The following USP49 variants were observed in gnomAD, a reference collection of about 807,000 sequenced individuals.
The protein encoded by USP49 is ubiquitin carboxyl-terminal hydrolase 49.
A neutral mutation model predicts 58.6 loss-of-function variants in USP49; 24 were observed. The observed-to-expected ratio is 0.41, with a 90% confidence interval of 0.30 to 0.58. The LOEUF (loss-of-function observed/expected upper bound fraction) is 0.58, where lower values mean the gene tolerates loss of function less well. Among genes scored for constraint, USP49 ranks in the 20% least tolerant of loss-of-function variants. USP49 has a pLI of 0.30. For synonymous variants in USP49, 408 were observed against 365.1 expected (o/e 1.12, Z -1.34); for missense variants, 703 against 866.1 (o/e 0.81, Z 2.36).
At chr6:41,855,214 C>T (rs1360993202) in intron 3 of USP49, among the ~76,000 whole-genome samples, 10 of 150,704 alleles carry the variant, frequency 6.6e-5, no homozygotes, top group Non-Finnish European at 1.3e-4. Context: ...ACTGTTTCTT[C>T]ATTAAAAGTA....
rs73733047 is a variant in USP49 at position 41,879,935 on chromosome 6, G to A, written c.-102-8298C>T. Among the ~76,000 whole-genome samples, 1,010 of 152,186 alleles carry A rather than the reference G, an allele frequency of 6.6e-3. 12 individuals are homozygous for A. The highest frequency in any genetic ancestry group is 0.023 in the African/African-American group (956 of 41,518). On this transcript the variant is annotated intron_variant, in intron 2 of 7. Transcript: ENST00000682992. Reference sequence around the variant, plus strand: ...GGCAAATCCAGCTTTCAGTTTTTTCGTGGCTCACTCCTGAATATGAGTAAA... The same window carrying A: ...GGCAAATCCAGCTTTCAGTTTTTTCATGGCTCACTCCTGAATATGAGTAAA...
rs901859983 is a variant in USP49, at chr6:41,803,327, G to A, written c.1561+479C>T. Reference sequence around the variant, plus strand: ...TGTTGTTGTTGTTGTTGTTTGAAACGGAGTCTTGCTCTGTTGCCCAGGCTG... The same window carrying A: ...TGTTGTTGTTGTTGTTGTTTGAAACAGAGTCTTGCTCTGTTGCCCAGGCTG... On this transcript the variant is annotated intron_variant, in intron 5 of 7. Coordinates refer to ENST00000682992, the MANE Select transcript of USP49 (RefSeq NM_001286554.2). This position sits in a 1 kb window ranked among gnomAD's most constrained non-coding sequence, Gnocchi z 4.1. 1.1e-4 allele frequency among the ~76,000 whole-genome samples: 16 copies of A among 152,084 alleles called. No homozygotes were observed. The highest frequency in any genetic ancestry group is 7.2e-4 in the Admixed American group (11 of 15,250).
At position 41,861,847 on chromosome 6, in the gene USP49, C is replaced by A. The variant is rs966849904; in HGVS notation, c.-29+9717G>T. Among the ~76,000 whole-genome samples, 8 of 152,096 alleles carry A rather than the reference C, an allele frequency of 5.3e-5. No homozygotes were observed. The East Asian group carries it at 1.6e-3, about 29-fold the overall frequency. On this transcript the variant is annotated intron_variant, in intron 3 of 7. Transcript: ENST00000682992. ...CCAAGTAGCTGGGATTACAGGTGCACACCACCATGCCCGGCTAATTTTTTT... is the reference window on the plus strand; with the variant it reads ...CCAAGTAGCTGGGATTACAGGTGCAAACCACCATGCCCGGCTAATTTTTTT...
chr6:41,823,603 A>T (rs1159203317), intron 3 of USP49, among the ~76,000 whole-genome samples: 3 of 152,128 alleles, frequency 2.0e-5, no homozygotes, highest in African/African-American at 7.2e-5. Context: ...AATGTCAATC[A>T]TTTGACATTT....
At chr6:41,863,078 C>A (rs939603530) in intron 3 of USP49, among the ~76,000 whole-genome samples, 8 of 152,114 alleles carry the variant, frequency 5.3e-5, no homozygotes, top group African/African-American at 1.9e-4. Context: ...CACCTGGCCT[C>A]TCACACTTAA....
At position 41,794,872 on chromosome 6, in the gene USP49, CATT is replaced by C. The variant is rs1772861036; in HGVS notation, c.*1658_*1660del. 6.6e-6 allele frequency: 1 copy of C among 152,214 alleles called. No individual in the cohort carries two copies. The highest frequency in any genetic ancestry group is 2.1e-4 in the South Asian group (1 of 4,828). The allele number at this position is 152,214 out of a possible 1,614,324, so 9.4% of individuals were successfully genotyped here. A position where few individuals can be genotyped will look rare whatever the true frequency, so the allele number is the denominator to read the frequency against. Reference sequence around the variant, plus strand: ...TCACTCCTTCCCTATCAGGGTGAGCCATTTTTTGTCTGAATTTCCTCCATGTCT... The same window carrying C: ...TCACTCCTTCCCTATCAGGGTGAGCCTTTTGTCTGAATTTCCTCCATGTCT... On this transcript the variant is annotated 3_prime_UTR_variant, in exon 8 of 8. Coordinates refer to ENST00000682992, the MANE Select transcript of USP49 (RefSeq NM_001286554.2).
Position 41,803,816 on chromosome 6 carries a change from G to C in USP49, c.1551C>G (p.Asp517Glu). Residue 517 changes from aspartate (D) to glutamate (E), a missense_variant, in exon 5 of 8, where the codon GAC becomes GAG. Asp to Glu is a conservative substitution (Grantham distance 45). Transcript: ENST00000682992. The surrounding 1 kb of genome is among the most constrained non-coding windows in gnomAD (Gnocchi z 4.1). ...EALEGRIYACDQCNSKRRKSN... is the reference protein window; with the variant it reads ...EALEGRIYACEQCNSKRRKSN... ...CCACACAGCACTCACTGTTACACTG[G>C]TCACAAGCGTAGATTCTCCCTTCCA... The C allele has an allele frequency of 6.2e-7, 1 of 1,614,034 alleles. No homozygotes were observed. The highest frequency in any genetic ancestry group is 8.5e-7 in the Non-Finnish European group (1 of 1,179,974).
At chr6:41,814,000 T>C (rs1392482122) in intron 3 of USP49, among the ~76,000 whole-genome samples, 1 of 152,254 alleles carries the variant, frequency 6.6e-6, no homozygotes, top group Non-Finnish European at 1.5e-5. Context: ...ATTTTTCTGA[T>C]GTGTACAGGT....
Position 41,862,919 on chromosome 6 carries a change from G to A in USP49, c.-29+8645C>T, listed in dbSNP as rs561975579. On this transcript the variant is annotated intron_variant, in intron 3 of 7. Coordinates refer to ENST00000682992, the MANE Select transcript of USP49 (RefSeq NM_001286554.2). ...CTCCAGAGTAGCTAGGATTACAGGC[G>A]TGCACTACCACACCTGGCTAATTTT... 6.6e-5 allele frequency among the ~76,000 whole-genome samples: 10 copies of A among 152,006 alleles called. No homozygotes were observed. The East Asian group carries it at 7.7e-4, about 12-fold the overall frequency.
At chr6:41,852,626 G>A (rs1440024190) in intron 3 of USP49, among the ~76,000 whole-genome samples, 1 of 152,128 alleles carries the variant, frequency 6.6e-6, no homozygotes, top group African/African-American at 2.4e-5. Context: ...GGAAGACTTG[G>A]TATTGTTAAA....
At position 41,807,154 on chromosome 6, in the gene USP49, T is replaced by G. The variant is rs1045886002; in HGVS notation, c.-28-143A>C. On this transcript the variant is annotated intron_variant, in intron 3 of 7. Coordinates refer to ENST00000682992, the MANE Select transcript of USP49 (RefSeq NM_001286554.2). ...TCATTCATTTTCAACTCCAAATTGG[T>G]TCCTTTGAAAGTTAAAAAAAGGCAC... The G allele has an allele frequency of 1.9e-5, 18 of 936,824 alleles. No homozygotes were observed. In the Admixed American group the frequency reaches 3.4e-4, roughly 18 times the overall value. 58.0% of individuals were successfully genotyped at this position (936,824 alleles called of 1,614,324 possible). A position where few individuals can be genotyped will look rare whatever the true frequency, so the allele number is the denominator to read the frequency against.
intron 3 of USP49, among the ~76,000 whole-genome samples, chr6:41,809,843 A>C (rs576239133): frequency 6.8e-6 from 1 of 146,342 alleles, no homozygotes; most frequent in African/African-American, 2.5e-5. Flanking sequence ...TAAATAGATA[A>C]ATAAAAATTA....
intron 3 of USP49, among the ~76,000 whole-genome samples, chr6:41,834,352 T>A (rs1773688735): frequency 6.6e-6 from 1 of 152,160 alleles, no homozygotes; most frequent in Non-Finnish European, 1.5e-5. Flanking sequence ...GTAAAGAACA[T>A]CAAGTATCAG....
At chr6:41,822,294 A>G (rs981392567) in intron 3 of USP49, among the ~76,000 whole-genome samples, 3 of 152,204 alleles carry the variant, frequency 2.0e-5, no homozygotes, top group Non-Finnish European at 4.4e-5. Context: ...TGGCAGACAC[A>G]TATACATTAG....
chr6:41,808,086 C>T (rs1256067150), intron 3 of USP49, among the ~76,000 whole-genome samples: 1 of 152,008 alleles, frequency 6.6e-6, no homozygotes, highest in Non-Finnish European at 1.5e-5. Flanking sequence ...CAACATCCGT[C>T]TTTTTGAAAA....
intron 3 of USP49, among the ~76,000 whole-genome samples, chr6:41,819,730 T>C (rs1478423392): frequency 2.6e-5 from 4 of 152,148 alleles, no homozygotes; most frequent in African/African-American, 9.7e-5. Context: ...ACTCTACTGA[T>C]CAATTTTGCA....
intron 2 of USP49, among the ~76,000 whole-genome samples, chr6:41,874,621 G>C (rs1774471022): frequency 1.3e-5 from 2 of 152,308 alleles, no homozygotes; most frequent in African/African-American, 2.4e-5. Flanking sequence ...AAGTTCCACA[G>C]CTAGTTAAGT....
At chr6:41,851,971 A>AC (rs1373301436) in intron 3 of USP49, among the ~76,000 whole-genome samples, 1 of 149,888 alleles carries the variant, frequency 6.7e-6, no homozygotes, top group Non-Finnish European at 1.5e-5. Context: ...AAAAAAAAAA[A>AC]AAAAAGAAAG....
In USP49 at chr6:41,791,554, A is replaced by G. The variant is rs1415897237; in HGVS notation, c.*4979T>C. 1 of 152,244 alleles carries G rather than the reference A, an allele frequency of 6.6e-6. No individual in the cohort carries two copies. Among genetic ancestry groups the G allele is most frequent in the East Asian group, 1.9e-4 (1 of 5,204 alleles). The allele number at this position is 152,244 out of a possible 1,614,324, so 9.4% of individuals were successfully genotyped here. On this transcript the variant is annotated 3_prime_UTR_variant, in exon 8 of 8. Coordinates refer to ENST00000682992, the MANE Select transcript of USP49 (RefSeq NM_001286554.2). ...GTTGGACTTCACTATTGCCAAAGCA[A>G]CATTTTCCCCAAGGAAAGTCAATTT...
Sources: allele counts gnomAD v4.1 joint callset (sites outside exome capture counted in the v4.1 genomes callset), GRCh38; gene constraint gnomAD v4.1.1; non-coding constraint Gnocchi (gnomAD v3.1); transcripts MANE v1.5; gene names NCBI Gene and HGNC (gene_info 2026-07-23, HGNC 2026-07-21).